The following NEGR1 variants were observed in gnomAD, a reference collection of about 807,000 sequenced individuals.
The protein encoded by NEGR1 is neuronal growth regulator 1.
Under a neutral mutation model 40.9 loss-of-function variants are expected in NEGR1, and 10 were observed. The ratio of observed to expected loss-of-function variants is 0.24; its 90% CI spans 0.15 to 0.42. The LOEUF (loss-of-function observed/expected upper bound fraction) is 0.42. NEGR1 is among the 10% of genes least tolerant of loss of function. The pLI, the probability that NEGR1 is intolerant of heterozygous loss-of-function variation, is 1.00. For synonymous variants in NEGR1, 185 were observed against 166.8 expected (o/e 1.11, Z -0.84); for missense variants, 352 against 438.9 (o/e 0.80, Z 1.77).
intron 4 of NEGR1, among the ~76,000 whole-genome samples, chr1:71,663,714 T>A (rs1213980195): frequency 6.6e-6 from 1 of 152,238 alleles, no homozygotes; most frequent in Admixed American, 6.5e-5. Flanking sequence ...TGCCTATTTT[T>A]AAATATCTCC....
At chr1:71,871,485 G>A (rs965328375) in intron 2 of NEGR1, among the ~76,000 whole-genome samples, 7 of 151,990 alleles carry the variant, frequency 4.6e-5, no homozygotes, top group Admixed American at 2.6e-4. Context: ...TTTTTCATGC[G>A]GCATCCCAGT....
intron 6 of NEGR1, among the ~76,000 whole-genome samples, chr1:71,560,658 T>C (rs1648425195): frequency 6.6e-6 from 1 of 151,004 alleles, no homozygotes; most frequent in Admixed American, 6.6e-5. Context: ...CTCTTAGCTC[T>C]CAAAAAACAT....
intron 1 of NEGR1, among the ~76,000 whole-genome samples, chr1:72,143,928 T>TATATATAAA (rs1424397228): frequency 7.7e-5 from 9 of 116,566 alleles, no homozygotes; most frequent in South Asian, 2.8e-4. Context: ...TATATATATA[T>TATATATAAA]ATATATATAT....
chr1:72,054,678 T>G (rs1647094541), intron 1 of NEGR1, among the ~76,000 whole-genome samples: 1 of 151,196 alleles, frequency 6.6e-6, no homozygotes, highest in African/African-American at 2.4e-5. Context: ...TCATTACAAA[T>G]TTGCTGTTGA....
chr1:71,546,360 G>C (rs1647895857), intron 6 of NEGR1, among the ~76,000 whole-genome samples: 1 of 151,692 alleles, frequency 6.6e-6, no homozygotes, highest in African/African-American at 2.4e-5. Flanking sequence ...GTATTATACA[G>C]TGTGCTAGGG....
At chr1:72,219,624 T>C (rs1653944969) in intron 1 of NEGR1, among the ~76,000 whole-genome samples, 1 of 152,042 alleles carries the variant, frequency 6.6e-6, no homozygotes, top group African/African-American at 2.4e-5. Flanking sequence ...ATTTGATTTA[T>C]TACACAGCAC....
At chr1:71,843,699 C>A (rs1455472358) in intron 2 of NEGR1, among the ~76,000 whole-genome samples, 2 of 152,030 alleles carry the variant, frequency 1.3e-5, no homozygotes, top group Non-Finnish European at 2.9e-5. Context: ...CAGTGAGATC[C>A]AAAATGAACT....
chr1:71,586,957 A>T (rs1229172714), intron 6 of NEGR1, among the ~76,000 whole-genome samples: 1 of 152,134 alleles, frequency 6.6e-6, no homozygotes, highest in African/African-American at 2.4e-5. Flanking sequence ...TCTCATTAAC[A>T]TCTCAAAGCT....
chr1:71,937,441 T>C (rs1018728516), intron 1 of NEGR1, among the ~76,000 whole-genome samples: 1 of 152,190 alleles, frequency 6.6e-6, no homozygotes, highest in African/African-American at 2.4e-5. Flanking sequence ...CATCAAGTGT[T>C]TCTGTGTGAC....
At chr1:71,818,988 A>G (rs1406153453) in intron 2 of NEGR1, among the ~76,000 whole-genome samples, 1 of 152,036 alleles carries the variant, frequency 6.6e-6, no homozygotes, top group East Asian at 1.9e-4. Flanking sequence ...TAGATTAGGT[A>G]TAGGCAATTG....
intron 4 of NEGR1, among the ~76,000 whole-genome samples, chr1:71,686,446 A>G (rs1006744216): frequency 6.6e-6 from 1 of 152,162 alleles, no homozygotes; most frequent in Non-Finnish European, 1.5e-5. Flanking sequence ...TATCTTCAAC[A>G]TGTAGCTTTC....
In NEGR1 at chr1:71,987,443, G is replaced by A. The variant is rs543283641; in HGVS notation, c.177-52132C>T. ...TGTGGAAGGGGTAGGTGAAGGGGGAGACAGTGCAGATATAAGACTAAATAA... is the reference window on the plus strand; with the variant it reads ...TGTGGAAGGGGTAGGTGAAGGGGGAAACAGTGCAGATATAAGACTAAATAA... On this transcript the variant is annotated intron_variant, in intron 1 of 6. Coordinates refer to ENST00000357731, the MANE Select transcript of NEGR1 (RefSeq NM_173808.3). 2.0e-5 allele frequency among the ~76,000 whole-genome samples: 3 copies of A among 152,312 alleles called. No homozygotes were observed. The East Asian group carries it at 5.8e-4, about 29-fold the overall frequency.
intron 1 of NEGR1, among the ~76,000 whole-genome samples, chr1:72,043,403 A>G (rs556811772): frequency 1.3e-5 from 2 of 151,814 alleles, no homozygotes; most frequent in South Asian, 4.1e-4. Flanking sequence ...TACATACCAT[A>G]TAAGAATATA....
intron 2 of NEGR1, among the ~76,000 whole-genome samples, chr1:71,931,024 C>T (rs183890566): frequency 5.3e-5 from 8 of 152,126 alleles, no homozygotes; most frequent in South Asian, 4.1e-4. Context: ...CAAAAGGGCC[C>T]GGAATGTTGT....
At chr1:71,854,816 C>G (rs1448686962) in intron 2 of NEGR1, among the ~76,000 whole-genome samples, 1 of 152,102 alleles carries the variant, frequency 6.6e-6, no homozygotes, top group African/African-American at 2.4e-5. Context: ...ATGGGGGTAA[C>G]CGTCCCCATG....
At chr1:71,591,876 C>G (rs1649512006) in intron 6 of NEGR1, among the ~76,000 whole-genome samples, 1 of 151,908 alleles carries the variant, frequency 6.6e-6, no homozygotes, top group Non-Finnish European at 1.5e-5. Flanking sequence ...CCCATTTCTG[C>G]AAAACAGAAA....
intron 1 of NEGR1, among the ~76,000 whole-genome samples, chr1:72,039,624 T>TG (rs1646934672): frequency 6.6e-6 from 1 of 152,006 alleles, no homozygotes; most frequent in Non-Finnish European, 1.5e-5. Context: ...AAGAAGATGT[T>TG]GGAGTTTTTA....
intron 1 of NEGR1, among the ~76,000 whole-genome samples, chr1:72,269,539 T>C (rs896119799): frequency 2.0e-5 from 3 of 151,796 alleles, no homozygotes; most frequent in Admixed American, 6.6e-5. Context: ...ATCATGGTTA[T>C]GCATTAATAG....
intron 1 of NEGR1, among the ~76,000 whole-genome samples, chr1:72,039,136 G>A (rs1646930090): frequency 1.3e-5 from 2 of 151,876 alleles, no homozygotes; most frequent in Non-Finnish European, 2.9e-5. Flanking sequence ...ATTGTGAAAA[G>A]TTCAGAGAAA....
Sources: allele counts gnomAD v4.1 joint callset (sites outside exome capture counted in the v4.1 genomes callset), GRCh38; gene constraint gnomAD v4.1.1; transcripts MANE v1.5; gene names NCBI Gene and HGNC (gene_info 2026-07-23, HGNC 2026-07-21).